The following SPAG16 variants were observed in gnomAD, a reference collection of about 807,000 sequenced individuals.
SPAG16 encodes the protein sperm associated antigen 16.
In SPAG16, 86 loss-of-function variants were observed where a neutral mutation model predicts 80.4. The observed-to-expected ratio is 1.07, with a 90% confidence interval of 0.90 to 1.28. SPAG16 has a LOEUF of 1.28. SPAG16 is among the 50% of genes most tolerant of loss of function. The pLI, the probability that SPAG16 is intolerant of heterozygous loss-of-function variation, is 0.00. For synonymous variants in SPAG16, 294 were observed against 265.9 expected (o/e 1.11, Z -1.03); for missense variants, 870 against 765.3 (o/e 1.14, Z -1.61).
At chr2:213,810,405 T>C (rs1000216087) in intron 10 of SPAG16, among the ~76,000 whole-genome samples, 1 of 152,046 alleles carries the variant, frequency 6.6e-6, no homozygotes, top group Non-Finnish European at 1.5e-5. Flanking sequence ...ATTCAAATGA[T>C]TGTAGTGGCA....
intron 10 of SPAG16, among the ~76,000 whole-genome samples, chr2:213,536,298 TA>T (rs2076244143): frequency 6.6e-6 from 1 of 152,170 alleles, no homozygotes; most frequent in Admixed American, 6.5e-5. Flanking sequence ...TGGATCAACT[TA>T]AAATTGCTTA....
intron 11 of SPAG16, among the ~76,000 whole-genome samples, chr2:213,866,876 T>G (rs2075709739): frequency 6.6e-6 from 1 of 152,190 alleles, no homozygotes; most frequent in East Asian, 1.9e-4. Context: ...TGTTGAACAC[T>G]AACACCGTCT....
chr2:214,018,483 T>G (rs2124990742), intron 13 of SPAG16, among the ~76,000 whole-genome samples: 1 of 152,238 alleles, frequency 6.6e-6, no homozygotes, highest in South Asian at 2.1e-4. Context: ...AGCTAAAGTT[T>G]TTTTCTATGT....
intron 15 of SPAG16, among the ~76,000 whole-genome samples, chr2:214,375,835 C>T (rs1700093678): frequency 6.6e-6 from 1 of 152,044 alleles, no homozygotes; most frequent in Non-Finnish European, 1.5e-5. Context: ...CAGTGGTTAC[C>T]TCTGGAATGA....
At chr2:213,318,768 A>G (rs563541169) in intron 5 of SPAG16, among the ~76,000 whole-genome samples, 115 of 152,108 alleles carry the variant, frequency 7.6e-4, no homozygotes, top group African/African-American at 2.5e-3. Flanking sequence ...ATTTATGAGT[A>G]ACTTTTAAAT....
Position 213,667,749 on chromosome 2 carries a change from A to G in SPAG16, c.1070+177659A>G, listed in dbSNP as rs1016669502. Among the ~76,000 whole-genome samples, 4 of 152,192 alleles carry G rather than the reference A, an allele frequency of 2.6e-5. 1 individual carries two copies. On this transcript the variant is annotated intron_variant, in intron 10 of 15. Transcript: ENST00000331683. ...TATTCCAAATATAGCAATAACTAAA[A>G]AAATCGGCAAGTCATATCTCACATA...
intron 11 of SPAG16, among the ~76,000 whole-genome samples, chr2:213,882,793 C>T (rs1311631814): frequency 6.6e-6 from 1 of 151,790 alleles, no homozygotes; most frequent in Non-Finnish European, 1.5e-5. Flanking sequence ...GCAATATTAT[C>T]CAGTTCTTCT....
rs771048627 is a variant in SPAG16, at chr2:213,955,623, T to C, written c.1400+25478T>C. ...GTTTTGAAGTCAGGATTTTCCAACTTTGTTCTTTTTTAAGATCACTTTAAT... is the reference window on the plus strand; with the variant it reads ...GTTTTGAAGTCAGGATTTTCCAACTCTGTTCTTTTTTAAGATCACTTTAAT... On this transcript the variant is annotated intron_variant, in intron 12 of 15. Coordinates refer to ENST00000331683, the MANE Select transcript of SPAG16 (RefSeq NM_024532.5). Among the ~76,000 whole-genome samples, 6 of 152,288 alleles carry C rather than the reference T, an allele frequency of 3.9e-5. No homozygotes were observed. In the Middle Eastern group the frequency reaches 0.01, roughly 259 times the overall value.
chr2:213,969,563 G>C (rs1456548859), intron 12 of SPAG16, among the ~76,000 whole-genome samples: 1 of 152,142 alleles, frequency 6.6e-6, no homozygotes, highest in African/African-American at 2.4e-5. Flanking sequence ...CTTGCCTTCT[G>C]CTGTGTGAGG....
intron 15 of SPAG16, among the ~76,000 whole-genome samples, chr2:214,382,541 C>T (rs931542381): frequency 8.5e-5 from 13 of 152,116 alleles, no homozygotes; most frequent in South Asian, 6.2e-4. Flanking sequence ...AGCTCTTTCA[C>T]GGAGGAGGGT....
chr2:214,378,079 G>C (rs749989354), intron 15 of SPAG16, among the ~76,000 whole-genome samples: 6 of 152,124 alleles, frequency 3.9e-5, no homozygotes, highest in African/African-American at 7.2e-5. Flanking sequence ...GTAAACCAAG[G>C]AATGCAGGCT....
intron 14 of SPAG16, among the ~76,000 whole-genome samples, chr2:214,112,828 G>T (rs2053741294): frequency 6.6e-6 from 1 of 151,944 alleles, no homozygotes; most frequent in African/African-American, 2.4e-5. Context: ...TACATTTAAG[G>T]TTAATATTGC....
intron 2 of SPAG16, 136 bp downstream of exon 2, chr2:213,296,246 T>C: frequency 1.7e-6 from 1 of 589,288 alleles, no homozygotes; most frequent in Non-Finnish European, 3.0e-6. Flanking sequence ...TGAATTTAGC[T>C]AGTATCAGCT....
chr2:214,219,248 T>A (rs2058503813), intron 15 of SPAG16, among the ~76,000 whole-genome samples: 2 of 152,118 alleles, frequency 1.3e-5, no homozygotes, highest in South Asian at 4.1e-4. Context: ...TAATTCTCAG[T>A]TTTGTATGGT....
chr2:213,407,830 G>GAGAGAGAGGAGAGAGGC (rs2068727304), intron 9 of SPAG16, among the ~76,000 whole-genome samples: 5 of 99,218 alleles, frequency 5.0e-5, no homozygotes, highest in Non-Finnish European at 9.6e-5. Context: ...GAGAGAGGCA[G>GAGAGAGAGGAGAGAGGC]AGAGAGAGAG....
intron 8 of SPAG16, among the ~76,000 whole-genome samples, chr2:213,369,398 A>G (rs1029447482): frequency 6.6e-6 from 1 of 152,234 alleles, no homozygotes; most frequent in Non-Finnish European, 1.5e-5. Context: ...GGTAATGTTT[A>G]TAAGGTATGT....
At chr2:213,472,623 G>C (rs1426180987) in intron 9 of SPAG16, among the ~76,000 whole-genome samples, 1 of 152,166 alleles carries the variant, frequency 6.6e-6, no homozygotes, top group Non-Finnish European at 1.5e-5. Flanking sequence ...TTACCTGTCA[G>C]AGAGCCAATG....
At chr2:213,300,660 A>G (rs1281171982) in intron 3 of SPAG16, among the ~76,000 whole-genome samples, 1 of 152,184 alleles carries the variant, frequency 6.6e-6, no homozygotes, top group Non-Finnish European at 1.5e-5. Context: ...TGGAAAATGT[A>G]GTTAGTTTTT....
intron 10 of SPAG16, among the ~76,000 whole-genome samples, chr2:213,759,758 T>A (rs1489867498): frequency 6.6e-6 from 1 of 152,160 alleles, no homozygotes; most frequent in Non-Finnish European, 1.5e-5. Context: ...AAATAGTGGC[T>A]GGGCGCAGTG....
Sources: gnomAD v4.1 joint callset for allele counts (sites outside exome capture counted in the v4.1 genomes callset) on GRCh38, gnomAD v4.1.1 for gene constraint, MANE v1.5 for transcripts, NCBI Gene and HGNC (gene_info 2026-07-23, HGNC 2026-07-21) for gene names.